Variants in EBF1 observed in about 807,000 individuals in gnomAD.
The protein encoded by EBF1 is transcription factor COE1.
Under a neutral mutation model 68.4 loss-of-function variants are expected in EBF1, and 10 were observed. The ratio of observed to expected loss-of-function variants is 0.15; its 90% CI spans 0.09 to 0.25. The LOEUF (loss-of-function observed/expected upper bound fraction) is 0.25. Ranked by LOEUF, EBF1 falls within the 10% of genes least tolerant of loss-of-function variation. The probability of loss-of-function intolerance (pLI) is 1.00; values close to 1 mark genes in which losing one functional copy is unlikely to be tolerated. For missense variants in EBF1, 509 were observed against 794.4 expected (o/e 0.64, Z 4.32); for synonymous variants, 298 against 299.8 (o/e 0.99, Z 0.06).
At chr5:158,881,606 C>A (rs1456141907) in intron 6 of EBF1, among the ~76,000 whole-genome samples, 1 of 152,226 alleles carries the variant, frequency 6.6e-6, no homozygotes, top group Non-Finnish European at 1.5e-5. Context: ...TCACCAGATT[C>A]TATATTCCCA....
At chr5:158,743,340 G>A (rs1766839874) in intron 10 of EBF1, among the ~76,000 whole-genome samples, 1 of 152,212 alleles carries the variant, frequency 6.6e-6, no homozygotes, top group African/African-American at 2.4e-5. Flanking sequence ...ATGTGTTCAA[G>A]TAGGGTTGGA....
At chr5:158,944,112 T>G (rs1221376483) in intron 6 of EBF1, among the ~76,000 whole-genome samples, 1 of 152,218 alleles carries the variant, frequency 6.6e-6, no homozygotes, top group Non-Finnish European at 1.5e-5. Flanking sequence ...GGGATACATG[T>G]GCAGAACATG....
intron 6 of EBF1, among the ~76,000 whole-genome samples, chr5:158,867,684 T>C (rs1388278721): frequency 1.3e-5 from 2 of 152,194 alleles, no homozygotes; most frequent in African/African-American, 2.4e-5. Flanking sequence ...AGAAAACACC[T>C]CTCCATTTAT....
At chr5:159,079,736 C>T (rs1447292788) in intron 5 of EBF1, among the ~76,000 whole-genome samples, 1 of 151,730 alleles carries the variant, frequency 6.6e-6, no homozygotes, top group African/African-American at 2.4e-5. Context: ...CTCAGCCTCC[C>T]GAGTAGCTTG....
At chr5:158,745,459 A>AACCC (rs1285935558) in intron 10 of EBF1, among the ~76,000 whole-genome samples, 1 of 152,164 alleles carries the variant, frequency 6.6e-6, no homozygotes, top group Non-Finnish European at 1.5e-5. Flanking sequence ...AAAAGGTTTG[A>AACCC]ACCCACCCAC....
intron 10 of EBF1, among the ~76,000 whole-genome samples, chr5:158,735,007 T>C (rs1354366570): frequency 1.3e-5 from 2 of 152,214 alleles, no homozygotes; most frequent in African/African-American, 4.8e-5. Context: ...AATGTATGCA[T>C]TTTAAAAATT....
chr5:159,021,072 T>C (rs1460317620), intron 6 of EBF1, among the ~76,000 whole-genome samples: 1 of 152,260 alleles, frequency 6.6e-6, no homozygotes, highest in African/African-American at 2.4e-5. Context: ...GAGTTATTAA[T>C]TCATGCCATG....
intron 6 of EBF1, among the ~76,000 whole-genome samples, chr5:159,004,168 T>G (rs1035272135): frequency 1.3e-5 from 2 of 151,902 alleles, no homozygotes; most frequent in Non-Finnish European, 2.9e-5. Flanking sequence ...TCCCAGCTAC[T>G]TAGGAGGCTG....
intron 14 of EBF1, among the ~76,000 whole-genome samples, chr5:158,711,000 C>G (rs1759122922): frequency 6.6e-6 from 1 of 152,174 alleles, no homozygotes; most frequent in Admixed American, 6.5e-5. Context: ...GAGGCCAGTT[C>G]TCTGAGGTTC....
intron 6 of EBF1, among the ~76,000 whole-genome samples, chr5:158,853,492 A>G (rs1793379546): frequency 6.6e-6 from 1 of 152,246 alleles, no homozygotes; most frequent in African/African-American, 2.4e-5. Context: ...AGATGAATCT[A>G]TAATAGAATA....
At chr5:158,958,024 T>C (rs1190263851) in intron 6 of EBF1, among the ~76,000 whole-genome samples, 2 of 152,122 alleles carry the variant, frequency 1.3e-5, no homozygotes, top group African/African-American at 4.8e-5. Flanking sequence ...AAAATTCCAA[T>C]CTTGCCTCTG....
intron 6 of EBF1, among the ~76,000 whole-genome samples, chr5:159,045,647 G>C (rs1175936542): frequency 6.6e-6 from 1 of 152,098 alleles, no homozygotes; most frequent in Non-Finnish European, 1.5e-5. Flanking sequence ...AATAGAAACA[G>C]AATTAGAATG....
intron 6 of EBF1, among the ~76,000 whole-genome samples, chr5:158,893,990 G>T (rs1249041421): frequency 6.6e-6 from 1 of 152,062 alleles, no homozygotes; most frequent in Non-Finnish European, 1.5e-5. Context: ...CATTTAAAAT[G>T]ATCAAAGATT....
chr5:158,731,223 C>A (rs958852514), intron 10 of EBF1, 66 bp from the exon 11 acceptor site: 57 of 1,452,366 alleles, frequency 3.9e-5, no homozygotes, highest in East Asian at 1.4e-4. Context: ...GCTTGCAACA[C>A]TAATGGTGTG....
chr5:158,893,327 T>C (rs1801553500), intron 6 of EBF1, among the ~76,000 whole-genome samples: 1 of 152,210 alleles, frequency 6.6e-6, no homozygotes, highest in Non-Finnish European at 1.5e-5. Context: ...AGGCATTCCT[T>C]ATAAATCAGT....
chr5:158,910,969 C>T (rs990250249), intron 6 of EBF1, among the ~76,000 whole-genome samples: 1 of 152,154 alleles, frequency 6.6e-6, no homozygotes, highest in African/African-American at 2.4e-5. Flanking sequence ...AATAAATCCC[C>T]TATATTTTAA....
chr5:158,707,854 G>A, intron 15 of EBF1, 125 bp downstream of exon 15: 2 of 1,178,130 alleles, frequency 1.7e-6, no homozygotes, highest in South Asian at 3.0e-5. Flanking sequence ...AAGAGATGAG[G>A]GCAGAGAGAA....
chr5:159,065,836 G>C (rs1352175110), intron 6 of EBF1, among the ~76,000 whole-genome samples: 6 of 152,134 alleles, frequency 3.9e-5, no homozygotes, highest in Admixed American at 6.5e-5. Flanking sequence ...AAGAACAAGT[G>C]AGTGTACAGG....
intron 6 of EBF1, among the ~76,000 whole-genome samples, chr5:158,945,380 G>A (rs1483060987): frequency 6.6e-6 from 1 of 152,200 alleles, no homozygotes; most frequent in Non-Finnish European, 1.5e-5. Context: ...TCAGATGGTT[G>A]TAGATGTGTG....
Sources: gnomAD v4.1 joint callset for allele counts (sites outside exome capture counted in the v4.1 genomes callset) on GRCh38, gnomAD v4.1.1 for gene constraint, MANE v1.5 for transcripts, NCBI Gene and HGNC (gene_info 2026-07-23, HGNC 2026-07-21) for gene names.